Variants in ZNF91 observed in about 807,000 individuals in gnomAD.
The protein encoded by ZNF91 is zinc finger protein 91 (HPF7, HTF10).
ZNF91 carries 7 observed loss-of-function variants against 12.6 expected under a neutral mutation model. The observed-to-expected ratio is 0.55, with a 90% CI of 0.31 to 1.04. The LOEUF is 1.04. Among genes scored for constraint, ZNF91 ranks in the 50% least tolerant of loss-of-function variants. The pLI is 0.05. For synonymous variants in ZNF91, 453 were observed against 462.6 expected, an observed-to-expected ratio of 0.98 and a Z score of 0.27; for missense variants, 1,217 against 1,385.4, an observed-to-expected ratio of 0.88 and a Z score of 1.93.
chr19:23,344,027 G>A (rs958039565), intron 3 of ZNF91, among the ~76,000 whole-genome samples: 9 of 152,168 alleles, frequency 5.9e-5, no homozygotes, highest in African/African-American at 2.2e-4. Flanking sequence ...GGCATCAGGT[G>A]CGGATGCATA....
chr19:23,329,505 CTG>C (rs1177850930), intron 1 of ZNF91, among the ~76,000 whole-genome samples: 1 of 152,204 alleles, frequency 6.6e-6, no homozygotes, highest in Non-Finnish European at 1.5e-5. Context: ...CAGCAGTAAT[CTG>C]TGAAAATAAA....
At chr19:23,370,005 A>T (rs1026102964) in intron 3 of ZNF91, among the ~76,000 whole-genome samples, 41 of 149,578 alleles carry the variant, frequency 2.7e-4, no homozygotes, top group Non-Finnish European at 3.6e-4. Context: ...GATCAATAAA[A>T]AAAAAAAAAA....
chr19:23,322,678 C>T (rs1489648539), intron 1 of ZNF91, among the ~76,000 whole-genome samples: 1 of 150,822 alleles, frequency 6.6e-6, no homozygotes. Flanking sequence ...CTTTCCATCT[C>T]CTCCATTCCT....
chr19:23,321,051 T>C (rs1056567855), intron 1 of ZNF91, among the ~76,000 whole-genome samples: 5 of 152,212 alleles, frequency 3.3e-5, no homozygotes, highest in African/African-American at 4.8e-5. Context: ...TTGTGACTCA[T>C]GTACTTCACA....
At chr19:23,373,053 CT>C (rs1254594664) in intron 3 of ZNF91, among the ~76,000 whole-genome samples, 2 of 152,266 alleles carry the variant, frequency 1.3e-5, no homozygotes, top group Non-Finnish European at 1.5e-5. Flanking sequence ...ACCCAGCAGA[CT>C]TAAGACCAAG....
At chr19:23,344,028 C>T (rs990045706) in intron 3 of ZNF91, among the ~76,000 whole-genome samples, 1 of 152,108 alleles carries the variant, frequency 6.6e-6, no homozygotes, top group African/African-American at 2.4e-5. Context: ...GCATCAGGTG[C>T]GGATGCATAT....
chr19:23,351,585 C>T (rs983941835), intron 3 of ZNF91, among the ~76,000 whole-genome samples: 2 of 152,112 alleles, frequency 1.3e-5, no homozygotes, highest in African/African-American at 2.4e-5. Flanking sequence ...AAATACATGA[C>T]ATTGTAGAAG....
intron 1 of ZNF91, among the ~76,000 whole-genome samples, chr19:23,389,115 A>G (rs562323635): frequency 2.6e-5 from 4 of 152,288 alleles, no homozygotes; most frequent in East Asian, 1.9e-4. Flanking sequence ...TTTTAGCTGT[A>G]TAACAAACCT....
At chr19:23,370,345 C>T (rs1969225072) in intron 3 of ZNF91, among the ~76,000 whole-genome samples, 1 of 152,078 alleles carries the variant, frequency 6.6e-6, no homozygotes, top group South Asian at 2.1e-4. Context: ...TAGTCACACT[C>T]ATAAAAACAG....
Position 23,361,803 on chromosome 19 carries a change from G to T in ZNF91, c.1176C>A (p.Thr392=). 6.2e-7 allele frequency: 1 copy of T among 1,609,244 alleles called. No individual in the cohort carries two copies. The highest frequency in any genetic ancestry group is 2.2e-5 in the East Asian group (1 of 44,832). The part of the protein sequence containing the change: ...ECDKAFKRLS[T]LTKHKIIHAG... ...CATGTATTATTTTATGTTTAGTAAG[G>T]GTTGAGAGTCGCTTAAAAGCTTTGT... Residue 392 remains threonine (T), a synonymous_variant, in exon 4 of 4, where the codon ACC becomes ACA. Transcript: ENST00000300619.
At chr19:23,372,725 C>T (rs1445064858) in intron 3 of ZNF91, among the ~76,000 whole-genome samples, 1 of 152,238 alleles carries the variant, frequency 6.6e-6, no homozygotes. Context: ...GGCCTGCAGA[C>T]TTTGGCCTTT....
At chr19:23,318,331 G>C (rs1967613041) in intron 1 of ZNF91, among the ~76,000 whole-genome samples, 1 of 152,050 alleles carries the variant, frequency 6.6e-6, no homozygotes, top group South Asian at 2.1e-4. Context: ...CCTAGGTGAT[G>C]TGACTCACTT....
At chr19:23,346,545 C>G (rs1053819227) in intron 3 of ZNF91, among the ~76,000 whole-genome samples, 1 of 152,152 alleles carries the variant, frequency 6.6e-6, no homozygotes, top group Non-Finnish European at 1.5e-5. Flanking sequence ...GTTTAACTGA[C>G]GCCATGAGAA....
chr19:23,315,551 T>A (rs1321913714), upstream of ZNF91, among the ~76,000 whole-genome samples: 1 of 152,162 alleles, frequency 6.6e-6, no homozygotes, highest in Non-Finnish European at 1.5e-5. Flanking sequence ...TTTGGGCCCA[T>A]GACCTGACCT....
chr19:23,391,906 G>T (rs949243933), intron 1 of ZNF91, among the ~76,000 whole-genome samples: 1 of 152,072 alleles, frequency 6.6e-6, no homozygotes, highest in African/African-American at 2.4e-5. Context: ...TTCTATGTCA[G>T]AGTTATTAAC....
At chr19:23,329,131 TTTCA>T (rs1431888300) in intron 1 of ZNF91, 2 of 151,974 alleles carry the variant, frequency 1.3e-5, no homozygotes, top group African/African-American at 2.4e-5. Context: ...CTTTTCCTTC[TTTCA>T]ATTTTTTGAT....
chr19:23,387,529 CA>C (rs1219604579), intron 1 of ZNF91, among the ~76,000 whole-genome samples: 1 of 151,994 alleles, frequency 6.6e-6, no homozygotes, highest in Non-Finnish European at 1.5e-5. Flanking sequence ...CCAGCCTGAG[CA>C]ATATGGGAAA....
At chr19:23,349,814 T>TA (rs1440748298) in intron 3 of ZNF91, among the ~76,000 whole-genome samples, 1 of 152,126 alleles carries the variant, frequency 6.6e-6, no homozygotes, top group Non-Finnish European at 1.5e-5. Flanking sequence ...GGAGTACCTG[T>TA]ATGTAATAAT....
Position 23,358,990 on chromosome 19 carries a change from T to C in ZNF91, c.*413A>G. On this transcript the variant is annotated 3_prime_UTR_variant, in exon 4 of 4. Transcript: ENST00000300619. ...ATGAGTTATCTTATCTGTAGTAAGG[T>C]GTGAAAACTGGTTAAAGGCTTTGCC... The C allele has an allele frequency of 2.1e-6, 1 of 472,432 alleles. No homozygotes were observed. Among genetic ancestry groups the C allele is most frequent in the Non-Finnish European group, 4.1e-6 (1 of 243,504 alleles). The allele number at this position is 472,432 out of a possible 1,614,324, so 29.3% of individuals were successfully genotyped here.
Sources: gnomAD v4.1 joint callset for allele counts (sites outside exome capture counted in the v4.1 genomes callset) on GRCh38, gnomAD v4.1.1 for gene constraint, MANE v1.5 for transcripts, NCBI Gene and HGNC (gene_info 2026-07-23, HGNC 2026-07-21) for gene names.